The following ANKRD18A variants were observed in gnomAD, a reference collection of about 807,000 sequenced individuals.
The protein encoded by ANKRD18A is ankyrin repeat domain-containing protein 18A.
In ANKRD18A, 72 loss-of-function variants were observed where a neutral mutation model predicts 110.6. The ratio of observed to expected loss-of-function variants is 0.65; its 90% CI spans 0.54 to 0.79. The LOEUF (loss-of-function observed/expected upper bound fraction) is 0.79, where lower values mean the gene tolerates loss of function less well. ANKRD18A is among the 30% of genes least tolerant of loss of function. The probability of loss-of-function intolerance (pLI) is 0.00; values close to 1 mark genes in which losing one functional copy is unlikely to be tolerated. For synonymous variants in ANKRD18A, 305 were observed against 410.3 expected (o/e 0.74, Z 3.10); for missense variants, 934 against 1,163.3 (o/e 0.80, Z 2.87).
Position 38,586,229 on chromosome 9 carries a change from G to A in ANKRD18A, c.2201C>T (p.Thr734Ile). The A allele has an allele frequency of 6.2e-7, 1 of 1,610,932 alleles. No homozygotes were observed. Among genetic ancestry groups the A allele is most frequent in the East Asian group, 2.2e-5 (1 of 44,748 alleles). ...CAGAATATCCATTTTCAGTTGGTCT[G>A]TATTTAAGTCTCCATGGCAACTGAA... ...EDFSCHGDLN[T>I]DQLKMDILFK... The change falls in exon 12 of 16, where the codon ACA (threonine) becomes ATA (isoleucine). Residue 734 changes from threonine (T) to isoleucine (I), a missense_variant. This residue lies in a region of ANKRD18A where 79 missense variants were observed against 122.8 expected (regional missense o/e 0.64). Coordinates refer to ENST00000399703, the MANE Select transcript of ANKRD18A (RefSeq NM_147195.4).
chr9:38,619,485 G>C (rs1202061360), intron 1 of ANKRD18A, among the ~76,000 whole-genome samples: 1 of 152,106 alleles, frequency 6.6e-6, no homozygotes, highest in Non-Finnish European at 1.5e-5. Context: ...TTGATATCTA[G>C]AGGAGCAAGT....
At chr9:38,603,137 G>C in intron 7 of ANKRD18A, 22 bp downstream of exon 7, 3 of 1,527,184 alleles carry the variant, frequency 2.0e-6, no homozygotes, top group Non-Finnish European at 1.8e-6. Flanking sequence ...ATGGTTAGGA[G>C]TAGAGAACTC....
At chr9:38,601,449 C>T (rs1330750000) in intron 7 of ANKRD18A, among the ~76,000 whole-genome samples, 1 of 152,040 alleles carries the variant, frequency 6.6e-6, no homozygotes, top group Non-Finnish European at 1.5e-5. Context: ...AAAAATTATT[C>T]CACCCAATAT....
At chr9:38,617,560 A>C (rs1330164463) in intron 1 of ANKRD18A, among the ~76,000 whole-genome samples, 1 of 152,252 alleles carries the variant, frequency 6.6e-6, no homozygotes, top group Non-Finnish European at 1.5e-5. Context: ...TATGCAAATC[A>C]GACTTTCCAA....
At chr9:38,579,686 G>C (rs1344665271) in intron 12 of ANKRD18A, among the ~76,000 whole-genome samples, 1 of 152,178 alleles carries the variant, frequency 6.6e-6, no homozygotes, top group Non-Finnish European at 1.5e-5. Flanking sequence ...AAAAGTGCTG[G>C]TGAGGTTTCA....
intron 11 of ANKRD18A, among the ~76,000 whole-genome samples, chr9:38,586,554 GT>G (rs930646797): frequency 1.3e-4 from 19 of 148,254 alleles, no homozygotes; most frequent in Admixed American, 4.0e-4. Flanking sequence ...ACAGTTTTTG[GT>G]TTTTTTTTTG....
chr9:38,620,219 A>G lies in ANKRD18A; in HGVS notation c.67T>C (p.Tyr23His). Residue 23 changes from tyrosine to histidine, a missense_variant, in exon 1 of 16, where the codon TAT (tyrosine) becomes CAT (histidine). Tyr to His is a moderately conservative substitution (Grantham distance 83). Around this residue, in one of 4 missense-constraint regions of ANKRD18A, gnomAD observed 630 missense variants for 797.5 expected, o/e 0.79. Transcript: ENST00000399703. The part of the protein sequence containing the change: ...QALLSSMDQE[Y>H]AGPGYDIRDW... ...CGAATGTCGTAACCCGGACCCGCATACTCTTGGTCCATGGAGCTCAGGAGC... is the reference window on the plus strand; with the variant it reads ...CGAATGTCGTAACCCGGACCCGCATGCTCTTGGTCCATGGAGCTCAGGAGC... 6.4e-7 allele frequency: 1 copy of G among 1,551,360 alleles called. No individual in the cohort carries two copies. The highest frequency in any genetic ancestry group is 8.7e-7 in the Non-Finnish European group (1 of 1,146,966).
chr9:38,606,004 A>G (rs1825338139), intron 6 of ANKRD18A, among the ~76,000 whole-genome samples: 1 of 152,206 alleles, frequency 6.6e-6, no homozygotes, highest in African/African-American at 2.4e-5. Context: ...AAGTGAATAT[A>G]TCTCATGAGG....
chr9:38,610,340 G>A lies in ANKRD18A; in HGVS notation c.673C>T (p.Arg225Cys), dbSNP rs371182398. 340 of 1,551,090 alleles carry A rather than the reference G, an allele frequency of 2.2e-4. No individual in the cohort carries two copies. The highest frequency in any genetic ancestry group is 2.5e-4 in the Non-Finnish European group (282 of 1,146,794). Reference sequence around the variant, plus strand: ...CCAAACATGTCTTGAGAAGAGATACGTATATTTTGTTGAAGCAGGAGGGTG... The same window carrying A: ...CCAAACATGTCTTGAGAAGAGATACATATATTTTGTTGAAGCAGGAGGGTG... The part of the protein sequence containing the change: ...IVTLLLQQNI[R>C]ISSQDMFGQT... The change falls in exon 5 of 16, where the codon CGT becomes TGT. Residue 225 changes from arginine (R) to cysteine (C), a missense_variant. Around this residue, in one of 4 missense-constraint regions of ANKRD18A, gnomAD observed 630 missense variants for 797.5 expected, o/e 0.79. Coordinates refer to ENST00000399703, the MANE Select transcript of ANKRD18A (RefSeq NM_147195.4).
chr9:38,573,143 A>G, intron 15 of ANKRD18A: 2 of 1,116,854 alleles, frequency 1.8e-6, no homozygotes, highest in Non-Finnish European at 2.4e-6. Context: ...AAATAAGTAA[A>G]TAATAATAAT....
At chr9:38,597,017 T>C (rs1028041687) in intron 8 of ANKRD18A, among the ~76,000 whole-genome samples, 6 of 152,292 alleles carry the variant, frequency 3.9e-5, no homozygotes, top group Middle Eastern at 3.4e-3. Flanking sequence ...GTTAAAAATA[T>C]AAGCAAGCTG....
chr9:38,609,763 G>A (rs1176184444), intron 5 of ANKRD18A, among the ~76,000 whole-genome samples: 1 of 151,994 alleles, frequency 6.6e-6, no homozygotes, highest in African/African-American at 2.4e-5. Flanking sequence ...TTCAAAGGAG[G>A]AAGGCATAGG....
chr9:38,612,741 T>C lies in ANKRD18A; in HGVS notation c.496-1420A>G, dbSNP rs532642869. Among the ~76,000 whole-genome samples the C allele has an allele frequency of 2.0e-5, 3 of 152,100 alleles. No homozygotes were observed. The South Asian group carries it at 6.2e-4, about 32-fold the overall frequency. ...ACCGTGTTAGCCAGGATGGTCTCCA[T>C]CTCCTGACCTCGTGATCTGCCCGCC... On this transcript the variant is annotated intron_variant, in intron 3 of 15. Coordinates refer to ENST00000399703, the MANE Select transcript of ANKRD18A (RefSeq NM_147195.4).
intron 13 of ANKRD18A, 37 bp downstream of exon 13, chr9:38,577,830 C>T (rs1042479037): frequency 6.5e-7 from 1 of 1,549,416 alleles, no homozygotes; most frequent in Non-Finnish European, 8.7e-7. Flanking sequence ...AAATGAAAGC[C>T]CATTACAGAT....
rs1825832416 is a variant in ANKRD18A, at chr9:38,615,891, C to G, written c.321+39G>C. 2.0e-6 allele frequency: 3 copies of G among 1,530,302 alleles called. No individual in the cohort carries two copies. In the Admixed American group the frequency reaches 6.6e-5, roughly 34 times the overall value. 94.8% of individuals were successfully genotyped at this position (1,530,302 alleles called of 1,614,324 possible). Reference sequence around the variant, plus strand: ...TCATTTTAATTCTATGTATTTAAATCAAATCCATTTCATGCTGAAAGAGTT... The same window carrying G: ...TCATTTTAATTCTATGTATTTAAATGAAATCCATTTCATGCTGAAAGAGTT... On this transcript the variant is annotated intron_variant, in intron 2 of 15. Transcript: ENST00000399703.
intron 11 of ANKRD18A, among the ~76,000 whole-genome samples, chr9:38,586,984 A>T (rs1385570056): frequency 6.6e-5 from 10 of 152,230 alleles, no homozygotes; most frequent in Non-Finnish European, 1.2e-4. Context: ...TTTAAAAAGT[A>T]AAACACATAT....
rs556240558 is a variant in ANKRD18A, at chr9:38,591,057, C to T, written c.2005-2394G>A. Reference sequence around the variant, plus strand: ...CTCACTGCAGCCTTGATATTCTGAGCTCAAGCGACCCTCCTACCACAGCCT... The same window carrying T: ...CTCACTGCAGCCTTGATATTCTGAGTTCAAGCGACCCTCCTACCACAGCCT... On this transcript the variant is annotated intron_variant, in intron 10 of 15. Coordinates refer to ENST00000399703, the MANE Select transcript of ANKRD18A (RefSeq NM_147195.4). Among the ~76,000 whole-genome samples the T allele has an allele frequency of 8.5e-5, 13 of 152,160 alleles. No individual in the cohort carries two copies. In the South Asian group the frequency reaches 2.3e-3, roughly 27 times the overall value.
intron 12 of ANKRD18A, among the ~76,000 whole-genome samples, chr9:38,581,366 T>C (rs1272215266): frequency 6.6e-6 from 1 of 152,088 alleles, no homozygotes; most frequent in African/African-American, 2.4e-5. Context: ...GGCAAGGGTG[T>C]CTCCTTACCA....
downstream of ANKRD18A, among the ~76,000 whole-genome samples, chr9:38,570,040 CT>C (rs897257526): frequency 1.3e-5 from 2 of 152,190 alleles, no homozygotes; most frequent in Non-Finnish European, 2.9e-5. Context: ...GACAAACCCC[CT>C]GCCTGAGGTC....
Sources: allele counts gnomAD v4.1 joint callset (sites outside exome capture counted in the v4.1 genomes callset), GRCh38; gene constraint gnomAD v4.1.1; regional missense constraint gnomAD v4.1.1; transcripts MANE v1.5; gene names NCBI Gene and HGNC (gene_info 2026-07-23, HGNC 2026-07-21).